The following LRPPRC variants were observed in gnomAD, a reference collection of about 807,000 sequenced individuals.
LRPPRC encodes the protein leucine-rich PPR motif-containing protein, mitochondrial.
In LRPPRC, 120 loss-of-function variants were observed where a neutral mutation model predicts 180.3. That is an observed-to-expected ratio of 0.67 (90% CI 0.57 to 0.77). The LOEUF is 0.77. LRPPRC is among the 30% of genes least tolerant of loss of function. The pLI is 0.00. For missense variants in LRPPRC, 2,012 were observed against 1,657.2 expected (o/e 1.21, Z -3.72); for synonymous variants, 723 against 600.0 (o/e 1.21, Z -3.00).
At chr2:43,933,587 C>CT (rs1672165994) in intron 25 of LRPPRC, among the ~76,000 whole-genome samples, 1 of 152,022 alleles carries the variant, frequency 6.6e-6, no homozygotes. Flanking sequence ...TTATAGTTGG[C>CT]CCTTGACTTA....
intron 37 of LRPPRC, among the ~76,000 whole-genome samples, 173 bp downstream of exon 37, chr2:43,889,541 GCCCCAGAGAGCTATGTTCTC>G (rs900338521): frequency 6.6e-6 from 1 of 151,854 alleles, no homozygotes; most frequent in African/African-American, 2.4e-5. Flanking sequence ...TTAAACTGTG[GCCCCAGAGAGCTATGTTCTC>G]CGACTGCCGC....
chr2:43,945,814 ATC>A (rs1672660514), intron 21 of LRPPRC, among the ~76,000 whole-genome samples: 1 of 152,120 alleles, frequency 6.6e-6, no homozygotes, highest in African/African-American at 2.4e-5. Flanking sequence ...GGGAAATGTT[ATC>A]AAGCCTCTTA....
At chr2:43,966,620 G>A (rs1268021866) in intron 11 of LRPPRC, among the ~76,000 whole-genome samples, 1 of 151,690 alleles carries the variant, frequency 6.6e-6, no homozygotes, top group Non-Finnish European at 1.5e-5. Flanking sequence ...ATGTTGGCCA[G>A]GCTGGTCTCA....
chr2:43,957,030 G>C (rs994315279), intron 14 of LRPPRC, among the ~76,000 whole-genome samples: 60 of 152,336 alleles, frequency 3.9e-4, no homozygotes, highest in African/African-American at 1.4e-3. Context: ...CAGAAGGGGA[G>C]AATGATACTT....
rs1341722946 is a variant in LRPPRC at position 43,886,552 on chromosome 2, C to G, written c.*2048G>C. 1.3e-5 allele frequency: 2 copies of G among 151,250 alleles called. No homozygotes were observed. Among genetic ancestry groups the G allele is most frequent in the African/African-American group, 4.8e-5 (2 of 41,298 alleles). 9.4% of individuals were successfully genotyped at this position (151,250 alleles called of 1,614,324 possible). A position where few individuals can be genotyped will look rare whatever the true frequency, so the allele number is the denominator to read the frequency against. ...TTTGAACAGCTAGTCCTTTGTAACA[C>G]CCCCCCGCTGCTGCCGAGAGGGCTA... is the stretch of plus-strand genomic sequence containing the variant. On this transcript the variant is annotated 3_prime_UTR_variant, in exon 38 of 38. Coordinates refer to ENST00000260665, the MANE Select transcript of LRPPRC (RefSeq NM_133259.4).
intron 23 of LRPPRC, among the ~76,000 whole-genome samples, chr2:43,936,208 A>G (rs1487400682): frequency 6.6e-6 from 1 of 152,204 alleles, no homozygotes; most frequent in African/African-American, 2.4e-5. Context: ...TGATTTGACT[A>G]AGGCTACCAG....
chr2:43,965,895 C>T (rs1020362995), intron 11 of LRPPRC, among the ~76,000 whole-genome samples: 1 of 152,104 alleles, frequency 6.6e-6, no homozygotes, highest in African/African-American at 2.4e-5. Context: ...AGAAAGGGAA[C>T]CCTGGTCTAC....
intron 30 of LRPPRC, among the ~76,000 whole-genome samples, chr2:43,908,243 G>T (rs1447394035): frequency 1.3e-5 from 2 of 152,152 alleles, no homozygotes; most frequent in Admixed American, 1.3e-4. Flanking sequence ...TTTAAAAAAA[G>T]AGTTTATATC....
intron 30 of LRPPRC, among the ~76,000 whole-genome samples, chr2:43,909,028 T>C (rs1026548324): frequency 2.0e-5 from 3 of 152,200 alleles, no homozygotes; most frequent in Non-Finnish European, 2.9e-5. Flanking sequence ...CTCTGATCAC[T>C]GATACAGAAT....
chr2:43,919,164 T>C (rs1304987278), intron 27 of LRPPRC, among the ~76,000 whole-genome samples: 1 of 152,144 alleles, frequency 6.6e-6, no homozygotes, highest in Non-Finnish European at 1.5e-5. Context: ...GTGAGGGATC[T>C]ACGTTGTGAA....
chr2:43,946,801 G>T (rs1028519188), intron 20 of LRPPRC, among the ~76,000 whole-genome samples: 1 of 151,968 alleles, frequency 6.6e-6, no homozygotes, highest in Non-Finnish European at 1.5e-5. Context: ...ACACTAAAAT[G>T]AACACAAAGT....
chr2:43,982,162 A>G (rs772579248), intron 2 of LRPPRC, 76 bp downstream of exon 2: 25 of 1,030,046 alleles, frequency 2.4e-5, no homozygotes, highest in South Asian at 3.5e-5. Flanking sequence ...CCTGCCTCCC[A>G]AAGTGCTGGG....
chr2:43,974,419 T>A, intron 8 of LRPPRC, 124 bp from the exon 9 acceptor site: 2 of 853,902 alleles, frequency 2.3e-6, no homozygotes, highest in Non-Finnish European at 3.9e-6. Context: ...ACTGCCTAAA[T>A]AACAATAAAA....
intron 2 of LRPPRC, among the ~76,000 whole-genome samples, chr2:43,980,733 T>A (rs887692776): frequency 1.3e-4 from 20 of 152,212 alleles, no homozygotes; most frequent in Admixed American, 1.2e-3. Context: ...AAGCTGACTT[T>A]AAAACAAAGC....
intron 29 of LRPPRC, among the ~76,000 whole-genome samples, chr2:43,913,349 C>T (rs1042120415): frequency 6.6e-6 from 1 of 152,124 alleles, no homozygotes; most frequent in African/African-American, 2.4e-5. Context: ...AAACAAATCA[C>T]AATAAAGATG....
chr2:43,901,299 A>T (rs1670874310), intron 32 of LRPPRC, 21 bp downstream of exon 32: 1 of 1,603,830 alleles, frequency 6.2e-7, no homozygotes. Flanking sequence ...ATGAAGGAAA[A>T]GAAGGCTTGC....
rs781635581 is a variant in LRPPRC, at chr2:43,943,910, A to G, written c.2297-16T>C. The stretch of plus-strand genomic sequence containing the variant: ...TTAATAGCATCTACAATGAAGTAAC[A>G]CAAAAGACCCTTAGGTAATTTCATG... On this transcript the variant is annotated splice_polypyrimidine_tract_variant and intron_variant, in intron 22 of 37. Coordinates refer to ENST00000260665, the MANE Select transcript of LRPPRC (RefSeq NM_133259.4). 6.5e-5 allele frequency: 102 copies of G among 1,573,162 alleles called. No individual in the cohort carries two copies. Among genetic ancestry groups the G allele is most frequent in the Non-Finnish European group, 8.6e-5 (98 of 1,143,140 alleles).
chr2:43,891,559 G>C (rs778054491), intron 36 of LRPPRC, among the ~76,000 whole-genome samples: 1 of 152,138 alleles, frequency 6.6e-6, no homozygotes, highest in Non-Finnish European at 1.5e-5. Flanking sequence ...ATTGTAATTG[G>C]GGGATGCTAT....
Position 43,888,406 on chromosome 2 carries a change from C to T in LRPPRC, c.*194G>A. 1 of 518,344 alleles carries T rather than the reference C, an allele frequency of 1.9e-6. No individual in the cohort carries two copies. The highest frequency in any genetic ancestry group is 3.5e-6 in the Non-Finnish European group (1 of 287,292). 32.1% of individuals were successfully genotyped at this position (518,344 alleles called of 1,614,324 possible). A position where few individuals can be genotyped will look rare whatever the true frequency, so the allele number is the denominator to read the frequency against. On this transcript the variant is annotated 3_prime_UTR_variant, in exon 38 of 38. Coordinates refer to ENST00000260665, the MANE Select transcript of LRPPRC (RefSeq NM_133259.4). ...ATTGAAGAAAACACTATCGATTTTT[C>T]CCAGAGAAAAAAACTCCAAAAATGT...
Sources: allele counts gnomAD v4.1 joint callset (sites outside exome capture counted in the v4.1 genomes callset), GRCh38; gene constraint gnomAD v4.1.1; transcripts MANE v1.5; gene names NCBI Gene and HGNC (gene_info 2026-07-23, HGNC 2026-07-21).